Variants in ETV1 observed in about 807,000 individuals in gnomAD.
ETV1 encodes the protein ETS translocation variant 1.
In ETV1, 27 loss-of-function variants were observed where a neutral mutation model predicts 62.3. The observed-to-expected ratio is 0.43, with a 90% CI of 0.32 to 0.60. The LOEUF (loss-of-function observed/expected upper bound fraction) is 0.60, where lower values mean the gene tolerates loss of function less well. Among genes scored for constraint, ETV1 ranks in the 20% least tolerant of loss-of-function variants. The pLI is 0.06. For missense variants in ETV1, 605 were observed against 605.8 expected, an observed-to-expected ratio of 1.00 and a Z score of 0.01; for synonymous variants, 222 against 199.6, an observed-to-expected ratio of 1.11 and a Z score of -0.94.
At chr7:13,947,993 A>G (rs1788371376) in intron 6 of ETV1, among the ~76,000 whole-genome samples, 1 of 152,318 alleles carries the variant, frequency 6.6e-6, no homozygotes, top group Non-Finnish European at 1.5e-5. Flanking sequence ...ATCTGTATGT[A>G]TGACCTTAGT....
At chr7:13,977,613 CT>C in intron 5 of ETV1, 133 bp from the exon 6 acceptor site, 1 of 642,964 alleles carries the variant, frequency 1.6e-6, no homozygotes, top group Admixed American at 2.8e-5. Flanking sequence ...CAATGAGCTC[CT>C]ATTTAAAATG....
At chr7:13,924,258 A>G (rs776919787) in intron 9 of ETV1, among the ~76,000 whole-genome samples, 1 of 152,162 alleles carries the variant, frequency 6.6e-6, no homozygotes, top group Non-Finnish European at 1.5e-5. Flanking sequence ...GCGAGGTCCA[A>G]TGAGAAGACT....
chr7:13,929,711 C>T (rs1008223591), intron 9 of ETV1, among the ~76,000 whole-genome samples: 1 of 152,142 alleles, frequency 6.6e-6, no homozygotes, highest in Non-Finnish European at 1.5e-5. Flanking sequence ...CTTACTCAGG[C>T]CCTGGAAGTA....
At chr7:13,898,198 G>GCTGTA (rs1782040182) in intron 13 of ETV1, among the ~76,000 whole-genome samples, 1 of 152,148 alleles carries the variant, frequency 6.6e-6, no homozygotes, top group African/African-American at 2.4e-5. Context: ...CGTGCAAAAT[G>GCTGTA]CTGTACATTA....
At chr7:13,960,738 G>A (rs1790071632) in intron 6 of ETV1, among the ~76,000 whole-genome samples, 1 of 152,218 alleles carries the variant, frequency 6.6e-6, no homozygotes, top group East Asian at 1.9e-4. Flanking sequence ...TTTTTGGAGA[G>A]AGAAAAACTA....
At chr7:13,967,902 T>C (rs1228982883) in intron 6 of ETV1, among the ~76,000 whole-genome samples, 1 of 152,134 alleles carries the variant, frequency 6.6e-6, no homozygotes, top group African/African-American at 2.4e-5. Context: ...CTAATAATTG[T>C]TGTGTTTACT....
intron 12 of ETV1, among the ~76,000 whole-genome samples, chr7:13,903,456 C>T (rs1449310554): frequency 6.6e-6 from 1 of 151,974 alleles, no homozygotes; most frequent in East Asian, 1.9e-4. Flanking sequence ...TTACAGACGA[C>T]TTTCTATGTT....
At chr7:13,914,780 T>A (rs186781750) in intron 9 of ETV1, among the ~76,000 whole-genome samples, 44 of 152,326 alleles carry the variant, frequency 2.9e-4, no homozygotes, top group Non-Finnish European at 4.9e-4. Flanking sequence ...ACTCTCTGAT[T>A]TGCATATTTG....
At chr7:13,949,362 A>T (rs905603488) in intron 6 of ETV1, among the ~76,000 whole-genome samples, 1 of 152,222 alleles carries the variant, frequency 6.6e-6, no homozygotes, top group South Asian at 2.1e-4. Flanking sequence ...TAATAAATGG[A>T]TCGCAATGAC....
In ETV1 at chr7:13,965,448, C is replaced by T. The variant is rs1477163994; in HGVS notation, c.235+11979G>A. 3.3e-5 allele frequency among the ~76,000 whole-genome samples: 5 copies of T among 151,954 alleles called. No homozygotes were observed. The East Asian group carries it at 5.8e-4, about 18-fold the overall frequency. ...AGTGAAACACATTCTTTGTTAGCCA[C>T]GCAGATTTTTTTTTTTCAGAATAGA... On this transcript the variant is annotated intron_variant, in intron 6 of 13. Transcript: ENST00000430479.
At chr7:13,950,942 A>ACACACACACACACAC (rs1788746853) in intron 6 of ETV1, among the ~76,000 whole-genome samples, 2 of 127,896 alleles carry the variant, frequency 1.6e-5, no homozygotes, top group African/African-American at 6.7e-5. Flanking sequence ...ACACACACAC[A>ACACACACACACACAC]ATATCGAGCA....
chr7:13,962,556 G>A (rs1790314524), intron 6 of ETV1, among the ~76,000 whole-genome samples: 1 of 152,040 alleles, frequency 6.6e-6, no homozygotes, highest in Non-Finnish European at 1.5e-5. Context: ...AATGTTCCTG[G>A]CCTAATTATG....
At chr7:13,952,859 T>C (rs1316815464) in intron 6 of ETV1, among the ~76,000 whole-genome samples, 5 of 152,212 alleles carry the variant, frequency 3.3e-5, no homozygotes, top group Admixed American at 6.5e-5. Flanking sequence ...TTCATTCCTC[T>C]AAATTTTAAA....
intron 7 of ETV1, among the ~76,000 whole-genome samples, chr7:13,938,416 C>A (rs1276558815): frequency 1.3e-5 from 2 of 152,148 alleles, no homozygotes; most frequent in Non-Finnish European, 2.9e-5. Flanking sequence ...TGCAAACTAA[C>A]TTCTTTTAAG....
At chr7:13,949,847 C>A (rs747528652) in intron 6 of ETV1, among the ~76,000 whole-genome samples, 4 of 152,018 alleles carry the variant, frequency 2.6e-5, no homozygotes, top group African/African-American at 9.7e-5. Context: ...ATAATATTTC[C>A]GAGACAGGAA....
In ETV1 at chr7:13,891,572, T is replaced by C. The variant is rs1207150464; in HGVS notation, c.*4294A>G. 3 of 230,966 alleles carry C rather than the reference T, an allele frequency of 1.3e-5. No individual in the cohort carries two copies. Among genetic ancestry groups the C allele is most frequent in the East Asian group, 6.2e-5 (1 of 16,224 alleles). The allele number at this position is 230,966 out of a possible 1,614,324, so 14.3% of individuals were successfully genotyped here. On this transcript the variant is annotated 3_prime_UTR_variant, in exon 14 of 14. Transcript: ENST00000430479. ...CTCTTAAACTGTACTTTCCATAAAC[T>C]GTTTTTTTTTTAAGTATGTCAAAGT...
chr7:13,912,842 A>G (rs1381161825), intron 9 of ETV1, among the ~76,000 whole-genome samples: 1 of 152,218 alleles, frequency 6.6e-6, no homozygotes, highest in Non-Finnish European at 1.5e-5. Flanking sequence ...AAGTGATATC[A>G]GTTAATTTAT....
intron 6 of ETV1, among the ~76,000 whole-genome samples, chr7:13,956,499 T>C (rs998503961): frequency 4.9e-4 from 74 of 152,296 alleles, no homozygotes; most frequent in African/African-American, 1.5e-3. Flanking sequence ...TCCATAGCAA[T>C]AGTGTCATGG....
intron 3 of ETV1, chr7:13,988,594 T>TTAAAAAAAAAAAAAAAAAAAAAA: frequency 1.4e-6 from 1 of 732,906 alleles, no homozygotes; most frequent in Non-Finnish European, 1.6e-6. Flanking sequence ...AGTAGAGAAA[T>TTAAAAAAAAAAAAAAAAAAAAAA]GAAAAAAAAA....
Sources: allele counts gnomAD v4.1 joint callset (sites outside exome capture counted in the v4.1 genomes callset), GRCh38; gene constraint gnomAD v4.1.1; transcripts MANE v1.5; gene names NCBI Gene and HGNC (gene_info 2026-07-23, HGNC 2026-07-21).